The following YPEL2 variants were observed in gnomAD, a reference collection of about 807,000 sequenced individuals.
YPEL2 encodes yippee like 2.
Under a neutral mutation model 19.1 loss-of-function variants are expected in YPEL2, and 2 were observed. The ratio of observed to expected loss-of-function variants is 0.10; its 90% CI spans 0.04 to 0.33. The LOEUF (loss-of-function observed/expected upper bound fraction) is 0.33, where lower values mean the gene tolerates loss of function less well. Among genes scored for constraint, YPEL2 ranks in the 10% least tolerant of loss-of-function variants. The probability of loss-of-function intolerance (pLI) is 1.00; values close to 1 mark genes in which losing one functional copy is unlikely to be tolerated. For missense variants in YPEL2, 66 were observed against 140.7 expected, an observed-to-expected ratio of 0.47 and a Z score of 2.68; for synonymous variants, 52 against 50.0, an observed-to-expected ratio of 1.04 and a Z score of -0.17.
chr17:59,353,581 C>T lies in YPEL2; in HGVS notation c.117+55C>T. ...TACCCCGGGGAGGGCGCTTAGTGCT[C>T]CTGAAGTTGCAGAGGTTTACAAGCT... On this transcript the variant is annotated intron_variant, in intron 2 of 4. Transcript: ENST00000312655. This position sits in a 1 kb window ranked among gnomAD's most constrained non-coding sequence, Gnocchi z 4.8. 1 of 1,318,678 alleles carries T rather than the reference C, an allele frequency of 7.6e-7. No homozygotes were observed. Among genetic ancestry groups the T allele is most frequent in the Middle Eastern group, 1.8e-4 (1 of 5,472 alleles). The allele number at this position is 1,318,678 out of a possible 1,614,324, so 81.7% of individuals were successfully genotyped here.
chr17:59,345,708 A>C (rs2047752528), intron 1 of YPEL2, among the ~76,000 whole-genome samples: 1 of 152,138 alleles, frequency 6.6e-6, no homozygotes, highest in Non-Finnish European at 1.5e-5. Context: ...CGGGAACGCC[A>C]TTCCTTTTGG....
intron 2 of YPEL2, among the ~76,000 whole-genome samples, chr17:59,357,401 A>AG (rs1384135674): frequency 6.6e-6 from 1 of 152,154 alleles, no homozygotes; most frequent in Non-Finnish European, 1.5e-5. Context: ...TAAAGAGGGT[A>AG]GGGGGAAAAA....
At chr17:59,384,553 G>A (rs2047970907) in intron 2 of YPEL2, among the ~76,000 whole-genome samples, 1 of 152,204 alleles carries the variant, frequency 6.6e-6, no homozygotes, top group Non-Finnish European at 1.5e-5. Context: ...CCACAGTGGA[G>A]CCCCTTTCTT....
chr17:59,348,219 A>G (rs1191892375), intron 1 of YPEL2, among the ~76,000 whole-genome samples: 1 of 152,220 alleles, frequency 6.6e-6, no homozygotes, highest in Non-Finnish European at 1.5e-5. Flanking sequence ...CACCCCATGG[A>G]AACAACAACA....
chr17:59,397,118 C>T lies in YPEL2; in HGVS notation c.288C>T (p.Ser96=), dbSNP rs1476833784. 5 of 1,611,668 alleles carry T rather than the reference C, an allele frequency of 3.1e-6. No individual in the cohort carries two copies. Among genetic ancestry groups the T allele is most frequent in the Non-Finnish European group, 4.2e-6 (5 of 1,178,872 alleles). Residue 96 remains serine, a synonymous_variant, in exon 5 of 5, where the codon AGC becomes AGT. Coordinates refer to ENST00000312655, the MANE Select transcript of YPEL2 (RefSeq NM_001005404.4). ...LGWKYEHAFE[S]SQKYKEGKYI... ...TTTCCTAGGAACATGCTTTTGAAAG[C>T]AGCCAGAAATATAAAGAAGGCAAAT...
At position 59,371,955 on chromosome 17, in the gene YPEL2, CTCCTCTCTT is replaced by C. The variant is rs1350711070; in HGVS notation, c.118-16371_118-16363del. On this transcript the variant is annotated intron_variant, in intron 2 of 4. Transcript: ENST00000312655. ...ACTCTTGGACCTGAATTCCCACCTCCTCCTCTCTTCCTGTCACTTGTAACCAAGTATCTG... is the reference window on the plus strand; with the variant it reads ...ACTCTTGGACCTGAATTCCCACCTCCCCTGTCACTTGTAACCAAGTATCTG... Among the ~76,000 whole-genome samples, 8 of 152,324 alleles carry C rather than the reference CTCCTCTCTT, an allele frequency of 5.3e-5. No homozygotes were observed. The South Asian group carries it at 1.4e-3, about 28-fold the overall frequency.
At chr17:59,374,627 A>G (rs2047911735) in intron 2 of YPEL2, among the ~76,000 whole-genome samples, 1 of 152,220 alleles carries the variant, frequency 6.6e-6, no homozygotes, top group Middle Eastern at 3.2e-3. Flanking sequence ...CATTAGAAGG[A>G]AAGTGTAGGA....
chr17:59,383,355 T>C (rs149032636), intron 2 of YPEL2, among the ~76,000 whole-genome samples: 191 of 151,118 alleles, frequency 1.3e-3, no homozygotes, highest in African/African-American at 4.4e-3. Flanking sequence ...TCGCAGCACT[T>C]TGGGAGGCCA....
At chr17:59,394,285 A>G (rs1318460921) in intron 4 of YPEL2, among the ~76,000 whole-genome samples, 1 of 147,704 alleles carries the variant, frequency 6.8e-6, no homozygotes, top group African/African-American at 2.5e-5. Context: ...GGGTCTCCTC[A>G]CTTCTCAGAT....
At chr17:59,337,235 G>T (rs1320029585) in intron 1 of YPEL2, among the ~76,000 whole-genome samples, 1 of 148,490 alleles carries the variant, frequency 6.7e-6, no homozygotes, top group Non-Finnish European at 1.5e-5. Flanking sequence ...TGGCCCAGGC[G>T]GGAGTGCAGT....
chr17:59,373,249 G>A (rs542256599), intron 2 of YPEL2, among the ~76,000 whole-genome samples: 1 of 152,306 alleles, frequency 6.6e-6, no homozygotes, highest in African/African-American at 2.4e-5. Context: ...GGAAAGAGAT[G>A]GGGATGTAGC....
At position 59,401,349 on chromosome 17, in the gene YPEL2, G is replaced by T. The variant is rs2048070213; in HGVS notation, c.*4159G>T. 1 of 152,592 alleles carries T rather than the reference G, an allele frequency of 6.6e-6. No individual in the cohort carries two copies. The highest frequency in any genetic ancestry group is 2.1e-4 in the South Asian group (1 of 4,830). 9.5% of individuals were successfully genotyped at this position (152,592 alleles called of 1,614,324 possible). ...ATAGTTATGAAATCTGGCAGAAAAG[G>T]TAAAGCCTAGAAGAAACTATGAAAG... On this transcript the variant is annotated 3_prime_UTR_variant, in exon 5 of 5. Transcript: ENST00000312655.
intron 2 of YPEL2, among the ~76,000 whole-genome samples, chr17:59,380,561 C>T (rs111515347): frequency 0.017 from 2,602 of 152,306 alleles, 91 homozygotes; most frequent in African/African-American, 0.059. Context: ...TGAGCCACCA[C>T]GGCCAGCCCT....
At chr17:59,333,185 T>G (rs1174488004) in intron 1 of YPEL2, among the ~76,000 whole-genome samples, 4 of 152,224 alleles carry the variant, frequency 2.6e-5, no homozygotes, top group African/African-American at 9.6e-5. Context: ...TCTTCTAAAC[T>G]GTGTTTTGAG....
chr17:59,381,247 C>T (rs1270737249), intron 2 of YPEL2, among the ~76,000 whole-genome samples: 1 of 152,186 alleles, frequency 6.6e-6, no homozygotes, highest in East Asian at 1.9e-4. Flanking sequence ...TTACACCGTG[C>T]AGATATGCAA....
intron 1 of YPEL2, among the ~76,000 whole-genome samples, chr17:59,335,087 AAGC>A (rs1227107090): frequency 3.3e-5 from 5 of 152,206 alleles, no homozygotes; most frequent in Admixed American, 3.3e-4. Flanking sequence ...GAAAAGGAAG[AAGC>A]ATCATTTTCA....
At chr17:59,371,958 C>T (rs2047899369) in intron 2 of YPEL2, among the ~76,000 whole-genome samples, 1 of 152,194 alleles carries the variant, frequency 6.6e-6, no homozygotes, top group Non-Finnish European at 1.5e-5. Context: ...CCACCTCCTC[C>T]TCTCTTCCTG....
intron 2 of YPEL2, among the ~76,000 whole-genome samples, chr17:59,371,892 C>T (rs1291491548): frequency 6.6e-6 from 1 of 152,200 alleles, no homozygotes; most frequent in East Asian, 1.9e-4. Context: ...TTGCACAGTT[C>T]ACTTCACTGG....
chr17:59,339,585 G>A (rs940554536), intron 1 of YPEL2, among the ~76,000 whole-genome samples: 2 of 152,120 alleles, frequency 1.3e-5, no homozygotes, highest in African/African-American at 4.8e-5. Flanking sequence ...ATGTTGAGTT[G>A]ACTTAGACTC....
Sources: gnomAD v4.1 joint callset for allele counts (sites outside exome capture counted in the v4.1 genomes callset) on GRCh38, gnomAD v4.1.1 for gene constraint, Gnocchi (gnomAD v3.1) non-coding constraint, MANE v1.5 for transcripts, NCBI Gene and HGNC (gene_info 2026-07-23, HGNC 2026-07-21) for gene names.